CALN1: variants seen among roughly 807,000 people sequenced by gnomAD.
The protein encoded by CALN1 is calneuron 1.
In CALN1, 17 loss-of-function variants were observed where a neutral mutation model predicts 30.6. That is an observed-to-expected ratio of 0.56 (90% CI 0.38 to 0.83). The LOEUF is 0.83. CALN1 is among the 40% of genes least tolerant of loss of function. The pLI, the probability that CALN1 is intolerant of heterozygous loss-of-function variation, is 0.00. For synonymous variants in CALN1, 156 were observed against 131.4 expected, an observed-to-expected ratio of 1.19 and a Z score of -1.28; for missense variants, 291 against 354.9, an observed-to-expected ratio of 0.82 and a Z score of 1.45.
At chr7:71,861,728 C>T (rs1791288618) in intron 5 of CALN1, among the ~76,000 whole-genome samples, 1 of 141,040 alleles carries the variant, frequency 7.1e-6, no homozygotes, top group Non-Finnish European at 1.5e-5. Flanking sequence ...GCAGTCAGCC[C>T]AGGTCACACC....
chr7:72,305,261 C>CT (rs1162455966), intron 2 of CALN1, among the ~76,000 whole-genome samples: 1 of 152,214 alleles, frequency 6.6e-6, no homozygotes, highest in African/African-American at 2.4e-5. Context: ...CCTGCACCAG[C>CT]TTCACAAGGA....
At chr7:72,357,351 C>G (rs1010296593) in intron 2 of CALN1, among the ~76,000 whole-genome samples, 1 of 151,944 alleles carries the variant, frequency 6.6e-6, no homozygotes, top group African/African-American at 2.4e-5. Context: ...CAGATCAGCT[C>G]CAGCGGAGAG....
chr7:72,183,890 G>A (rs1169479502), intron 3 of CALN1, among the ~76,000 whole-genome samples: 5 of 151,784 alleles, frequency 3.3e-5, no homozygotes, highest in Admixed American at 6.6e-5. Flanking sequence ...AAGTCCCCTC[G>A]AACAAAGAAA....
intron 5 of CALN1, among the ~76,000 whole-genome samples, chr7:72,012,028 T>C (rs570969271): frequency 2.6e-5 from 4 of 152,082 alleles, no homozygotes; most frequent in Non-Finnish European, 4.4e-5. Flanking sequence ...ATAAGTAGAT[T>C]GAATAAAAAA....
At chr7:71,996,123 C>T (rs913592734) in intron 5 of CALN1, among the ~76,000 whole-genome samples, 6 of 152,042 alleles carry the variant, frequency 3.9e-5, no homozygotes, top group South Asian at 2.1e-4. Flanking sequence ...AACCATAGTC[C>T]GCAAAAGTAT....
chr7:72,134,178 C>A (rs1809349762), intron 3 of CALN1, among the ~76,000 whole-genome samples: 2 of 152,204 alleles, frequency 1.3e-5, no homozygotes, highest in Admixed American at 1.3e-4. Flanking sequence ...AATGCAGCAA[C>A]AGGGCGCCAT....
the CALN1 span, among the ~76,000 whole-genome samples, chr7:72,477,331 G>T: frequency 2.4e-3 from 359 of 152,318 alleles, 1 homozygote; most frequent in Middle Eastern, 0.01. Flanking sequence ...GTGAGGGACA[G>T]AGAGAAGGCA....
chr7:71,823,534 A>G (rs1788718461), intron 5 of CALN1, among the ~76,000 whole-genome samples: 1 of 152,114 alleles, frequency 6.6e-6, no homozygotes, highest in African/African-American at 2.4e-5. Flanking sequence ...CCTGGCCAAT[A>G]TGGTGAAACC....
At chr7:71,976,599 T>C (rs1359482847) in intron 5 of CALN1, among the ~76,000 whole-genome samples, 1 of 152,184 alleles carries the variant, frequency 6.6e-6, no homozygotes, top group Non-Finnish European at 1.5e-5. Context: ...TTGATCCTTA[T>C]CCTATTGAAA....
chr7:72,252,648 G>C (rs1238523454), intron 3 of CALN1, among the ~76,000 whole-genome samples: 2 of 151,366 alleles, frequency 1.3e-5, no homozygotes, highest in Non-Finnish European at 2.9e-5. Context: ...AAGGGAGGGA[G>C]GGACGGAGAT....
At chr7:72,419,727 G>A (rs943348069) in intron 1 of CALN1, among the ~76,000 whole-genome samples, 1 of 152,156 alleles carries the variant, frequency 6.6e-6, no homozygotes, top group African/African-American at 2.4e-5. Flanking sequence ...AGCAACACAA[G>A]TGGCTGACCG....
chr7:71,938,269 T>C (rs117153489), intron 5 of CALN1, among the ~76,000 whole-genome samples: 6,836 of 152,262 alleles, frequency 0.045, 217 homozygotes, highest in Non-Finnish European at 0.074. Flanking sequence ...CGACAGACTT[T>C]TTTTTGCTTA....
the CALN1 span, among the ~76,000 whole-genome samples, chr7:72,498,729 A>G: frequency 6.6e-6 from 1 of 152,192 alleles, no homozygotes; most frequent in African/African-American, 2.4e-5. Flanking sequence ...AAGGAATACT[A>G]CAAGTTATTA....
chr7:71,835,705 G>C (rs979190394), intron 5 of CALN1, among the ~76,000 whole-genome samples: 1 of 152,180 alleles, frequency 6.6e-6, no homozygotes, highest in East Asian at 1.9e-4. Context: ...CACTTAAAAA[G>C]ATAGGTAGAG....
chr7:72,115,671 T>C (rs567346411), intron 3 of CALN1, among the ~76,000 whole-genome samples: 2 of 151,922 alleles, frequency 1.3e-5, no homozygotes, highest in South Asian at 2.1e-4. Context: ...GTATTTTTAG[T>C]AGAGCCGGGT....
At chr7:72,435,950 A>G (rs1808144049) in intron 1 of CALN1, among the ~76,000 whole-genome samples, 1 of 152,124 alleles carries the variant, frequency 6.6e-6, no homozygotes, top group South Asian at 2.1e-4. Context: ...GGCACTACCC[A>G]TTCCCTTGGG....
intron 4 of CALN1, among the ~76,000 whole-genome samples, chr7:72,079,969 C>T (rs572695069): frequency 4.0e-5 from 6 of 151,888 alleles, no homozygotes; most frequent in Non-Finnish European, 8.8e-5. Context: ...TGGGGTTTTG[C>T]CATGTTGGCC....
At chr7:72,031,073 G>C (rs1021357098) in intron 4 of CALN1, among the ~76,000 whole-genome samples, 2 of 152,238 alleles carry the variant, frequency 1.3e-5, no homozygotes, top group Non-Finnish European at 2.9e-5. Context: ...GCTCAAAGAG[G>C]TTCAGTAGCT....
the CALN1 span, among the ~76,000 whole-genome samples, chr7:72,501,948 T>TATATAC: frequency 6.8e-4 from 49 of 72,350 alleles, 4 homozygotes; most frequent in Middle Eastern, 7.0e-3. Flanking sequence ...TATATATATA[T>TATATAC]ACACACATAT....
Sources: gnomAD v4.1 joint callset for allele counts (sites outside exome capture counted in the v4.1 genomes callset) on GRCh38, gnomAD v4.1.1 for gene constraint, MANE v1.5 for transcripts, NCBI Gene and HGNC (gene_info 2026-07-23, HGNC 2026-07-21) for gene names.